The following CES3 variants were observed in gnomAD, a reference collection of about 807,000 sequenced individuals.
CES3 encodes carboxylesterase 3, also known as carboxylesterase 3 (brain).
CES3 carries 49 observed loss-of-function variants against 57.6 expected under a neutral mutation model. That is an observed-to-expected ratio of 0.85 (90% CI 0.68 to 1.08). The LOEUF (loss-of-function observed/expected upper bound fraction) is 1.08. CES3 is among the 50% of genes least tolerant of loss of function. The pLI is 0.00. For missense variants in CES3, 645 were observed against 742.0 expected, an observed-to-expected ratio of 0.87 and a Z score of 1.52; for synonymous variants, 266 against 281.6, an observed-to-expected ratio of 0.94 and a Z score of 0.55.
In CES3 at chr16:66,966,707, C is replaced by A. The variant is rs1374201680; in HGVS notation, c.922-18C>A. 1 of 1,613,832 alleles carries A rather than the reference C, an allele frequency of 6.2e-7. No homozygotes were observed. Among genetic ancestry groups the A allele is most frequent in the Admixed American group, 1.7e-5 (1 of 60,018 alleles). On this transcript the variant is annotated intron_variant, in intron 7 of 12. Coordinates refer to ENST00000303334, the MANE Select transcript of CES3 (RefSeq NM_024922.6). ...TTGGCCCTAACTTGGGAGCCTCCTG[C>A]ATTGCTTTCTCCTGCAGAAAAATAC...
At position 66,966,363 on chromosome 16, in the gene CES3, G is replaced by T; in HGVS notation, c.921+18G>T. 6.2e-7 allele frequency: 1 copy of T among 1,611,156 alleles called. No individual in the cohort carries two copies. Among genetic ancestry groups the T allele is most frequent in the Non-Finnish European group, 8.5e-7 (1 of 1,178,216 alleles). On this transcript the variant is annotated intron_variant, in intron 7 of 12. Transcript: ENST00000303334. ...AGAAGCTGGTATGGCCACCCTTTTGGGGATGGTGCCGGGCAATGGCACAGA... is the reference window on the plus strand; with the variant it reads ...AGAAGCTGGTATGGCCACCCTTTTGTGGATGGTGCCGGGCAATGGCACAGA...
In CES3 at chr16:66,966,874, C is replaced by A. The variant is rs376257166; in HGVS notation, c.1062+9C>A. On this transcript the variant is annotated intron_variant, in intron 8 of 12. Coordinates refer to ENST00000303334, the MANE Select transcript of CES3 (RefSeq NM_024922.6). ...GCTGGCTCATCCCCAGGGTGAGTTG[C>A]TCCCACCCCTGTGCCCTTCAAGGCC... 5 of 1,613,776 alleles carry A rather than the reference C, an allele frequency of 3.1e-6. No individual in the cohort carries two copies. Among genetic ancestry groups the A allele is most frequent in the East Asian group, 2.2e-5 (1 of 44,878 alleles).
rs1413459313 is a variant in CES3 at position 66,973,375 on chromosome 16, C to G, written c.*326C>G. ...TTCTCTGGGCTGTGCGGCCCCGAGT[C>G]TGCGTCCATTAGAGCACAGTCCACC... On this transcript the variant is annotated 3_prime_UTR_variant, in exon 13 of 13. Coordinates refer to ENST00000303334, the MANE Select transcript of CES3 (RefSeq NM_024922.6). The G allele has an allele frequency of 3.7e-6, 1 of 269,360 alleles. No homozygotes were observed. Among genetic ancestry groups the G allele is most frequent in the African/African-American group, 2.2e-5 (1 of 45,820 alleles). The allele number at this position is 269,360 out of a possible 1,614,324, so 16.7% of individuals were successfully genotyped here.
Position 66,961,296 on chromosome 16 carries a change from G to A in CES3, c.-12G>A. ...ACCTTCTGAAGCTTCTGTCGAACCA[G>A]TTGTAAGGAGAATGGAGAGAGCAGT... On this transcript the variant is annotated 5_prime_UTR_variant, in exon 1 of 13. Transcript: ENST00000303334. 6.2e-7 allele frequency: 1 copy of A among 1,612,530 alleles called. No individual in the cohort carries two copies. The highest frequency in any genetic ancestry group is 8.5e-7 in the Non-Finnish European group (1 of 1,178,834).
chr16:66,966,311 AAGAAGG>A lies in CES3; in HGVS notation c.893_898del (p.Gly298_Glu299del), dbSNP rs1963729775. On this transcript the variant is annotated inframe_deletion, in exon 7 of 13. Transcript: ENST00000303334. ...GAGATGGTGCAGTGCCTTCAGCAGA[AAGAAGG>A]AGAAGAGCTGGTCCTTAGCAAGAAG... The A allele has an allele frequency of 1.1e-5, 18 of 1,613,730 alleles. No individual in the cohort carries two copies. The highest frequency in any genetic ancestry group is 1.5e-5 in the Non-Finnish European group (18 of 1,180,020).
intron 6 of CES3, among the ~76,000 whole-genome samples, chr16:66,965,554 C>T (rs908072355): frequency 2.0e-5 from 3 of 152,174 alleles, no homozygotes; most frequent in Non-Finnish European, 4.4e-5. Flanking sequence ...GGAACCTCTG[C>T]GTGGGCATGT....
Position 66,963,133 on chromosome 16 carries a change from A to T in CES3, c.83-46A>T. ...GGTTTGTCTTTCACTCCTTCCCCTC[A>T]TGGGGGCTGCAAACTCACCCCGTGG... On this transcript the variant is annotated intron_variant, in intron 1 of 12. Coordinates refer to ENST00000303334, the MANE Select transcript of CES3 (RefSeq NM_024922.6). This position sits in a 1 kb window ranked among gnomAD's most constrained non-coding sequence, Gnocchi z 4.9. 1 of 1,591,888 alleles carries T rather than the reference A, an allele frequency of 6.3e-7. No individual in the cohort carries two copies. The highest frequency in any genetic ancestry group is 8.6e-7 in the Non-Finnish European group (1 of 1,159,822).
At chr16:66,965,679 T>C (rs145622096) in intron 6 of CES3, among the ~76,000 whole-genome samples, 9 of 152,300 alleles carry the variant, frequency 5.9e-5, no homozygotes, top group Admixed American at 3.3e-4. Context: ...GTCTCTCCTG[T>C]GTCCAAAGAA....
rs749375600 is a variant in CES3, at chr16:66,963,933, C to A, written c.558C>A (p.Phe186Leu). 2.5e-6 allele frequency: 4 copies of A among 1,612,396 alleles called. No homozygotes were observed. In the African/African-American group the frequency reaches 5.3e-5, roughly 22 times the overall value. ...ACCGCCTTGGGGTCCTTGGCTTCTT[C>A]AGGTGAGACGACAGGCATGGCCAGA... The part of the protein sequence containing the change: ...VQYRLGVLGF[F>L]STGDEHAPGN... Residue 186 changes from phenylalanine (F) to leucine (L), a missense_variant and splice_region_variant, in exon 4 of 13, where the codon TTC becomes TTA. Coordinates refer to ENST00000303334, the MANE Select transcript of CES3 (RefSeq NM_024922.6). The surrounding 1 kb of genome is among the most constrained non-coding windows in gnomAD (Gnocchi z 4.9).
chr16:66,970,606 A>C (rs776405159), intron 9 of CES3, among the ~76,000 whole-genome samples: 1 of 151,310 alleles, frequency 6.6e-6, no homozygotes, highest in Non-Finnish European at 1.5e-5. Flanking sequence ...CAGTTATCCT[A>C]TCCCCTCTAA....
intron 8 of CES3, among the ~76,000 whole-genome samples, chr16:66,969,378 C>A (rs906231878): frequency 2.0e-5 from 3 of 152,246 alleles, no homozygotes; most frequent in African/African-American, 7.2e-5. Context: ...TGCACTCCAG[C>A]CTGGGCAACG....
At chr16:66,961,508 G>A (rs777983836) in intron 1 of CES3, 119 bp downstream of exon 1, 63 of 749,562 alleles carry the variant, frequency 8.4e-5, no homozygotes, top group Non-Finnish European at 1.3e-4. Flanking sequence ...GGCAGACCAG[G>A]GGTTGTGCAT....
rs963145800 is a variant in CES3 at position 66,974,322 on chromosome 16, G to A, written c.*1273G>A. The A allele has an allele frequency of 1.3e-5, 2 of 152,344 alleles. No homozygotes were observed. Among genetic ancestry groups the A allele is most frequent in the African/African-American group, 4.8e-5 (2 of 41,462 alleles). The allele number at this position is 152,344 out of a possible 1,614,324, so 9.4% of individuals were successfully genotyped here. A position where few individuals can be genotyped will look rare whatever the true frequency, so the allele number is the denominator to read the frequency against. On this transcript the variant is annotated 3_prime_UTR_variant, in exon 13 of 13. Coordinates refer to ENST00000303334, the MANE Select transcript of CES3 (RefSeq NM_024922.6). ...AACCGGGGCTGCGCGCAGCGCTTGC[G>A]GGCCAGAGTGAGTTCCGGGTGGGCG...
chr16:66,973,922 T>C lies in CES3; in HGVS notation c.*873T>C, dbSNP rs1193395340. 2 of 152,218 alleles carry C rather than the reference T, an allele frequency of 1.3e-5. No homozygotes were observed. The highest frequency in any genetic ancestry group is 2.9e-5 in the Non-Finnish European group (2 of 68,174). The allele number at this position is 152,218 out of a possible 1,614,324, so 9.4% of individuals were successfully genotyped here. On this transcript the variant is annotated 3_prime_UTR_variant, in exon 13 of 13. Transcript: ENST00000303334. ...GCCGGGTCCTCCCTCCCTTCCTGGCTTGGGGAGACCAGTTTCTGGGGAGCT... is the reference window on the plus strand; with the variant it reads ...GCCGGGTCCTCCCTCCCTTCCTGGCCTGGGGAGACCAGTTTCTGGGGAGCT...
chr16:66,972,126 C>G (rs1326725730), intron 10 of CES3, among the ~76,000 whole-genome samples: 1 of 152,038 alleles, frequency 6.6e-6, no homozygotes, highest in African/African-American at 2.4e-5. Context: ...GACAGCAAGA[C>G]CATTTCAGAG....
rs1274371909 is a variant in CES3, at chr16:66,963,774, G to T, written c.427-28G>T. 1 of 1,609,554 alleles carries T rather than the reference G, an allele frequency of 6.2e-7. No individual in the cohort carries two copies. The highest frequency in any genetic ancestry group is 8.5e-7 in the Non-Finnish European group (1 of 1,176,128). On this transcript the variant is annotated intron_variant, in intron 3 of 12. Coordinates refer to ENST00000303334, the MANE Select transcript of CES3 (RefSeq NM_024922.6). This position sits in a 1 kb window ranked among gnomAD's most constrained non-coding sequence, Gnocchi z 4.9. ...GCAGCTAAGGTCTCAGGAGCTTGGG[G>T]GTCAGTGCCCCATGGCCACCTCTGC... is the stretch of plus-strand genomic sequence containing the variant.
rs1436795547 is a variant in CES3, at chr16:66,972,380, A to G, written c.1316A>G (p.Tyr439Cys). ...LRDSGSPVFF[Y>C]EFQHRPSSFA... is the part of the protein sequence containing the mutation. ...GATTCTGGAAGCCCTGTCTTTTTCT[A>G]TGAGTTCCAGCATCGACCCAGTTCT... The change falls in exon 11 of 13, where the codon TAT becomes TGT. Residue 439 changes from tyrosine (Y) to cysteine (C), a missense_variant. By Grantham distance (194) the Tyr-to-Cys change is radical. Transcript: ENST00000303334. 2 of 1,605,562 alleles carry G rather than the reference A, an allele frequency of 1.2e-6. No homozygotes were observed. The highest frequency in any genetic ancestry group is 2.2e-5 in the South Asian group (2 of 89,908).
At position 66,973,075 on chromosome 16, in the gene CES3, G is replaced by C; in HGVS notation, c.*26G>C. ...GGCCAGGCCTGAACCTTCTTGGCTG[G>C]GGCAAACCACTCTTCAAGTGGTGGC... On this transcript the variant is annotated 3_prime_UTR_variant, in exon 13 of 13. Transcript: ENST00000303334. 1 of 1,601,252 alleles carries C rather than the reference G, an allele frequency of 6.2e-7. No individual in the cohort carries two copies. The highest frequency in any genetic ancestry group is 8.5e-7 in the Non-Finnish European group (1 of 1,171,060).
At position 66,964,205 on chromosome 16, in the gene CES3, A is replaced by G. The variant is rs1456566098; in HGVS notation, c.561-152A>G. The G allele has an allele frequency of 2.7e-6, 3 of 1,104,782 alleles. No homozygotes were observed. The African/African-American group carries it at 4.7e-5, about 17-fold the overall frequency. 68.4% of individuals were successfully genotyped at this position (1,104,782 alleles called of 1,614,324 possible). ...CCAGCAGGATATGGGACAAAGAGCAACAGGCTGTGGAGATGCCAACCACGG... is the reference window on the plus strand; with the variant it reads ...CCAGCAGGATATGGGACAAAGAGCAGCAGGCTGTGGAGATGCCAACCACGG... On this transcript the variant is annotated intron_variant, in intron 4 of 12. Transcript: ENST00000303334.
Sources: allele counts gnomAD v4.1 joint callset (sites outside exome capture counted in the v4.1 genomes callset), GRCh38; gene constraint gnomAD v4.1.1; non-coding constraint Gnocchi (gnomAD v3.1); transcripts MANE v1.5; gene names NCBI Gene and HGNC (gene_info 2026-07-23, HGNC 2026-07-21).